The following TTC39B variants were observed in gnomAD, a reference collection of about 807,000 sequenced individuals.
The protein encoded by TTC39B is tetratricopeptide repeat domain 39B.
TTC39B carries 92 observed loss-of-function variants against 96.6 expected under a neutral mutation model. That is an observed-to-expected ratio of 0.95 (90% CI 0.80 to 1.13). TTC39B has a LOEUF of 1.13. Among genes scored for constraint, TTC39B ranks in the 50% most tolerant of loss-of-function variants. The probability of loss-of-function intolerance (pLI) is 0.00; values close to 1 mark genes in which losing one functional copy is unlikely to be tolerated. For missense variants in TTC39B, 955 were observed against 809.3 expected (o/e 1.18, Z -2.18); for synonymous variants, 367 against 299.4 (o/e 1.23, Z -2.33).
exon 20 of TTC39B, chr9:15,167,028 A>ATATTTTTTT (rs1554758710): frequency 1.8e-4 from 2 of 11,032 alleles, no homozygotes; most frequent in African/African-American, 2.9e-4. Context: ...ATATATATAT[A>ATATTTTTTT]TTTTTTTTTT....
intron 1 of TTC39B, among the ~76,000 whole-genome samples, chr9:15,274,794 T>C (rs1823480239): frequency 6.6e-6 from 1 of 152,190 alleles, no homozygotes; most frequent in Non-Finnish European, 1.5e-5. Context: ...TTTAGATTTT[T>C]TTAATAGACT....
At chr9:15,259,787 T>A (rs958804758) in intron 2 of TTC39B, among the ~76,000 whole-genome samples, 13 of 152,274 alleles carry the variant, frequency 8.5e-5, no homozygotes, top group African/African-American at 3.1e-4. Context: ...TCAAGGAGCA[T>A]CTATCTGTAC....
In TTC39B at chr9:15,252,509, G is replaced by A. The variant is rs527855798; in HGVS notation, c.275+15405C>T. 6.6e-5 allele frequency among the ~76,000 whole-genome samples: 10 copies of A among 152,268 alleles called. No homozygotes were observed. The East Asian group carries it at 9.7e-4, about 15-fold the overall frequency. On this transcript the variant is annotated intron_variant, in intron 2 of 19. Coordinates refer to ENST00000512701, the Ensembl canonical transcript of TTC39B. ...TAAAAATACAAAAAATTAGCCGGCCGTGGTGGCTTATGCCTGTAATCCCAG... is the reference window on the plus strand; with the variant it reads ...TAAAAATACAAAAAATTAGCCGGCCATGGTGGCTTATGCCTGTAATCCCAG...
intron 13 of TTC39B, 62 bp from the exon 14 acceptor site, chr9:15,188,194 G>T: frequency 6.8e-7 from 1 of 1,470,812 alleles, no homozygotes; most frequent in South Asian, 1.5e-5. Flanking sequence ...ATAACCTAAT[G>T]GAAAAATACA....
Position 15,222,888 on chromosome 9 carries a change from A to G in TTC39B, c.371+3029T>C, listed in dbSNP as rs544862853. 3.3e-5 allele frequency among the ~76,000 whole-genome samples: 5 copies of G among 152,346 alleles called. No homozygotes were observed. The South Asian group carries it at 8.3e-4, about 25-fold the overall frequency. ...CAGCCCATTTCCTATGGAAAAATAC[A>G]TATTTGATGAGCCAACAACAGGTCT... On this transcript the variant is annotated intron_variant, in intron 3 of 19. Coordinates refer to ENST00000512701, the Ensembl canonical transcript of TTC39B.
chr9:15,302,413 G>A (rs1024489931), intron 1 of TTC39B, among the ~76,000 whole-genome samples: 5 of 150,624 alleles, frequency 3.3e-5, no homozygotes, highest in Admixed American at 6.6e-5. Context: ...TCAGGAGTTC[G>A]AGACCAGCCT....
intron 16 of TTC39B, chr9:15,183,268 C>A: frequency 2.6e-6 from 1 of 381,580 alleles, no homozygotes; most frequent in Non-Finnish European, 5.1e-6. Context: ...AAGATCATGA[C>A]ACTCTACCTT....
intron 2 of TTC39B, among the ~76,000 whole-genome samples, chr9:15,261,722 C>G (rs980208167): frequency 2.6e-5 from 4 of 152,278 alleles, no homozygotes; most frequent in Admixed American, 2.0e-4. Context: ...AAACCCAAAG[C>G]AAATGCCAGC....
At chr9:15,255,573 T>C (rs1390593336) in intron 2 of TTC39B, among the ~76,000 whole-genome samples, 5 of 151,018 alleles carry the variant, frequency 3.3e-5, no homozygotes, top group African/African-American at 1.2e-4. Context: ...GAAAAGGGAA[T>C]GGATGAAGGC....
At chr9:15,290,293 C>T (rs1332398603) in intron 1 of TTC39B, among the ~76,000 whole-genome samples, 1 of 152,152 alleles carries the variant, frequency 6.6e-6, no homozygotes, top group East Asian at 1.9e-4. Flanking sequence ...GGGACCTAAA[C>T]TCATCATGCC....
chr9:15,269,409 C>A (rs2131553753), intron 1 of TTC39B, among the ~76,000 whole-genome samples: 1 of 152,332 alleles, frequency 6.6e-6, no homozygotes, highest in Admixed American at 6.5e-5. Flanking sequence ...CGCCAAGGGA[C>A]TTACCGTATC....
intron 1 of TTC39B, among the ~76,000 whole-genome samples, chr9:15,293,842 G>A (rs1824276973): frequency 6.6e-6 from 1 of 152,196 alleles, no homozygotes; most frequent in South Asian, 2.1e-4. Flanking sequence ...TCCATCAAAT[G>A]TAGCCAACGG....
intron 7 of TTC39B, among the ~76,000 whole-genome samples, chr9:15,200,453 C>T (rs74449199): frequency 0.023 from 3,526 of 152,320 alleles, 119 homozygotes; most frequent in Admixed American, 0.07. Flanking sequence ...TCTGAAGTGG[C>T]TGTCACTACT....
chr9:15,194,572 G>A (rs613899), intron 8 of TTC39B, among the ~76,000 whole-genome samples: 2,200 of 152,242 alleles, frequency 0.014, 64 homozygotes, highest in African/African-American at 0.05. Context: ...TGTGGATACT[G>A]CATTTTTTAC....
intron 3 of TTC39B, among the ~76,000 whole-genome samples, chr9:15,221,497 C>A (rs759136607): frequency 3.3e-5 from 5 of 152,030 alleles, no homozygotes; most frequent in Non-Finnish European, 5.9e-5. Context: ...TACTTTCTGG[C>A]ACAAGATCTT....
chr9:15,273,623 A>T lies in TTC39B; in HGVS notation c.241-5675T>A, dbSNP rs191093972. ...TTTAGCAAAGATGACAAGGTTTGAG[A>T]GGGCTTGCAGATACCTTCCTCCTCA... On this transcript the variant is annotated intron_variant, in intron 1 of 19. Transcript: ENST00000512701. Among the ~76,000 whole-genome samples the T allele has an allele frequency of 2.6e-4, 39 of 150,760 alleles. No individual in the cohort carries two copies. In the East Asian group the frequency reaches 7.3e-3, roughly 28 times the overall value.
At chr9:15,233,842 C>CCA (rs1821591465) in intron 2 of TTC39B, among the ~76,000 whole-genome samples, 1 of 151,236 alleles carries the variant, frequency 6.6e-6, no homozygotes. Flanking sequence ...AGGAGCCCCT[C>CCA]TGCCTGGCTG....
At chr9:15,250,313 G>A in intron 2 of TTC39B, 2 of 681,538 alleles carry the variant, frequency 2.9e-6, no homozygotes, top group Non-Finnish European at 3.6e-6. Context: ...AAACAGGCAA[G>A]GAACATACAA....
At chr9:15,237,101 T>C (rs1821818386) in intron 2 of TTC39B, among the ~76,000 whole-genome samples, 1 of 151,650 alleles carries the variant, frequency 6.6e-6, no homozygotes, top group Non-Finnish European at 1.5e-5. Context: ...GATCACCTGA[T>C]GTCAGGAGTT....
Sources: allele counts gnomAD v4.1 joint callset (sites outside exome capture counted in the v4.1 genomes callset), GRCh38; gene constraint gnomAD v4.1.1; transcripts MANE v1.5; gene names NCBI Gene and HGNC (gene_info 2026-07-23, HGNC 2026-07-21).